The following RAB31 variants were observed in gnomAD, a reference collection of about 807,000 sequenced individuals.
RAB31 encodes ras-related protein Rab-31.
A neutral mutation model predicts 25.6 loss-of-function variants in RAB31; 21 were observed. The observed-to-expected ratio is 0.82, with a 90% CI of 0.58 to 1.18. The LOEUF is 1.18. Ranked by LOEUF, RAB31 falls within the 50% of genes most tolerant of loss-of-function variation. The pLI, the probability that RAB31 is intolerant of heterozygous loss-of-function variation, is 0.00. For missense variants in RAB31, 196 were observed against 250.1 expected, an observed-to-expected ratio of 0.78 and a Z score of 1.46; for synonymous variants, 87 against 84.0, an observed-to-expected ratio of 1.04 and a Z score of -0.20.
In RAB31 at chr18:9,750,978, G is replaced by A. The variant is rs896340369; in HGVS notation, c.40-24300G>A. 3.3e-5 allele frequency among the ~76,000 whole-genome samples: 5 copies of A among 152,242 alleles called. No individual in the cohort carries two copies. In the East Asian group the frequency reaches 9.7e-4, roughly 29 times the overall value. On this transcript the variant is annotated intron_variant, in intron 1 of 6. Coordinates refer to ENST00000578921, the MANE Select transcript of RAB31 (RefSeq NM_006868.4). ...AGAATGACTTCACTCCTGGAACGAG[G>A]CATCATCTTTCCTAGCACATGTATT...
intron 2 of RAB31, among the ~76,000 whole-genome samples, chr18:9,790,253 G>A (rs990909596): frequency 3.3e-5 from 5 of 152,094 alleles, no homozygotes; most frequent in East Asian, 1.9e-4. Flanking sequence ...ACAGGGTCTC[G>A]CTCTGTCACC....
chr18:9,719,269 C>CAAAAAAAAAAAAA (rs56291796), intron 1 of RAB31, among the ~76,000 whole-genome samples: 1 of 21,446 alleles, frequency 4.7e-5, no homozygotes, highest in African/African-American at 3.4e-4. Flanking sequence ...GACTCTGTCT[C>CAAAAAAAAAAAAA]AAAAAAAAAA....
chr18:9,839,515 G>A (rs76650923), intron 5 of RAB31, among the ~76,000 whole-genome samples: 5,125 of 152,322 alleles, frequency 0.034, 117 homozygotes, highest in Middle Eastern at 0.099. Context: ...GAAGCGAAGA[G>A]GGGGTGACTG....
At chr18:9,778,768 G>T (rs1255085266) in intron 2 of RAB31, among the ~76,000 whole-genome samples, 1 of 152,190 alleles carries the variant, frequency 6.6e-6, no homozygotes, top group African/African-American at 2.4e-5. Flanking sequence ...ACTGTGCCCA[G>T]CCACACATAT....
intron 6 of RAB31, among the ~76,000 whole-genome samples, chr18:9,849,214 C>T (rs897361899): frequency 2.6e-5 from 4 of 152,102 alleles, no homozygotes; most frequent in Non-Finnish European, 5.9e-5. Flanking sequence ...CATTTTGACA[C>T]TTAAACATAT....
At chr18:9,848,833 A>T (rs568691356) in intron 6 of RAB31, among the ~76,000 whole-genome samples, 2 of 152,260 alleles carry the variant, frequency 1.3e-5, no homozygotes, top group Non-Finnish European at 2.9e-5. Context: ...TTACAGTCCC[A>T]TAGTGTTCAT....
rs112076421 is a variant in RAB31 at position 9,831,432 on chromosome 18, G to A, written c.381-14150G>A. Among the ~76,000 whole-genome samples, 1,380 of 152,228 alleles carry A rather than the reference G, an allele frequency of 9.1e-3. 21 individuals carry two copies. The highest frequency in any genetic ancestry group is 0.031 in the African/African-American group (1,303 of 41,520). ...TATTTTTGGCTCCGGCCCTATAGTC[G>A]GCCTGACTCCTTTTCCCTAATTAGG... is the stretch of plus-strand genomic sequence containing the variant. On this transcript the variant is annotated intron_variant, in intron 5 of 6. Transcript: ENST00000578921.
At chr18:9,729,409 C>T (rs756979621) in intron 1 of RAB31, among the ~76,000 whole-genome samples, 105 of 152,014 alleles carry the variant, frequency 6.9e-4, no homozygotes, top group Non-Finnish European at 1.1e-3. Flanking sequence ...CACCTGTAGT[C>T]CCAGCTACTC....
intron 1 of RAB31, among the ~76,000 whole-genome samples, chr18:9,772,363 A>C (rs2068349693): frequency 6.6e-6 from 1 of 152,196 alleles, no homozygotes; most frequent in African/African-American, 2.4e-5. Flanking sequence ...CCTGGGTATC[A>C]AGGAATGAAA....
chr18:9,737,121 A>G (rs1003944584), intron 1 of RAB31, among the ~76,000 whole-genome samples: 6 of 152,174 alleles, frequency 3.9e-5, no homozygotes, highest in African/African-American at 1.4e-4. Flanking sequence ...ATGACTTTCC[A>G]TGGATGACAG....
intron 3 of RAB31, among the ~76,000 whole-genome samples, chr18:9,813,268 T>C (rs574665966): frequency 6.6e-6 from 1 of 152,310 alleles, no homozygotes; most frequent in East Asian, 1.9e-4. Context: ...AGGTTGCCCT[T>C]GCTGACTGGT....
At chr18:9,785,254 C>T (rs1379744692) in intron 2 of RAB31, 4 of 154,574 alleles carry the variant, frequency 2.6e-5, no homozygotes, top group Non-Finnish European at 5.8e-5. Context: ...GCAGGAAATT[C>T]TCTTCCTAAC....
chr18:9,732,360 C>T (rs2068127727), intron 1 of RAB31, among the ~76,000 whole-genome samples: 4 of 152,230 alleles, frequency 2.6e-5, no homozygotes, highest in South Asian at 2.1e-4. Flanking sequence ...CCAAGTCCTG[C>T]ACCCACTGCA....
At chr18:9,775,384 C>T (rs931110051) in intron 2 of RAB31, 27 bp downstream of exon 2, 6 of 1,612,816 alleles carry the variant, frequency 3.7e-6, no homozygotes, top group African/African-American at 2.7e-5. Context: ...CATTCTCCTT[C>T]GCGTTGCTTC....
At chr18:9,732,818 AAG>A (rs1415503190) in intron 1 of RAB31, among the ~76,000 whole-genome samples, 5 of 152,158 alleles carry the variant, frequency 3.3e-5, no homozygotes, top group African/African-American at 7.2e-5. Flanking sequence ...GTAAACACAC[AAG>A]AGTTTTGCTG....
At chr18:9,836,901 G>T (rs1434793063) in intron 5 of RAB31, among the ~76,000 whole-genome samples, 1 of 151,502 alleles carries the variant, frequency 6.6e-6, no homozygotes, top group Non-Finnish European at 1.5e-5. Context: ...GAGTCAGCAT[G>T]TGAGGAACCG....
intron 6 of RAB31, among the ~76,000 whole-genome samples, chr18:9,853,963 C>CTTTTTTT (rs11376519): frequency 1.5e-5 from 2 of 130,848 alleles, no homozygotes; most frequent in Admixed American, 7.5e-5. Context: ...CTTTTCTTTT[C>CTTTTTTT]TTTTTTTTTT....
At chr18:9,839,999 A>T (rs1207777220) in intron 5 of RAB31, among the ~76,000 whole-genome samples, 2 of 152,020 alleles carry the variant, frequency 1.3e-5, no homozygotes, top group East Asian at 1.9e-4. Context: ...TCCACCCTCC[A>T]TCCTCACCAC....
intron 5 of RAB31, chr18:9,844,732 G>A (rs471999): frequency 0.71 from 107,939 of 152,126 alleles, 38,397 homozygotes; most frequent in South Asian, 0.8. Flanking sequence ...AGGTCAGTAG[G>A]TTTTTTTAGG....
Sources: gnomAD v4.1 joint callset for allele counts (sites outside exome capture counted in the v4.1 genomes callset) on GRCh38, gnomAD v4.1.1 for gene constraint, MANE v1.5 for transcripts, NCBI Gene and HGNC (gene_info 2026-07-23, HGNC 2026-07-21) for gene names.